Variants in RABGAP1L observed in about 807,000 individuals in gnomAD.
RABGAP1L encodes the protein rab GTPase-activating protein 1-like.
Under a neutral mutation model 137.7 loss-of-function variants are expected in RABGAP1L, and 63 were observed. That is an observed-to-expected ratio of 0.46 (90% CI 0.37 to 0.56). The LOEUF (loss-of-function observed/expected upper bound fraction) is 0.56. Ranked by LOEUF, RABGAP1L falls within the 20% of genes least tolerant of loss-of-function variation. The pLI is 0.00. For synonymous variants in RABGAP1L, 431 were observed against 433.7 expected (o/e 0.99, Z 0.08); for missense variants, 1,095 against 1,244.0 (o/e 0.88, Z 1.80).
At chr1:174,944,187 G>A (rs897495423) in intron 19 of RABGAP1L, among the ~76,000 whole-genome samples, 5 of 142,910 alleles carry the variant, frequency 3.5e-5, no homozygotes, top group Admixed American at 1.5e-4. Context: ...TGAGGCCGGA[G>A]AATCGCTTGA....
intron 1 of RABGAP1L, among the ~76,000 whole-genome samples, chr1:174,183,843 G>A (rs1666581896): frequency 1.3e-5 from 2 of 149,876 alleles, no homozygotes; most frequent in Non-Finnish European, 3.0e-5. Flanking sequence ...TTGAGTCACA[G>A]AATATACAGC....
At chr1:174,484,658 C>T (rs1392249446) in intron 13 of RABGAP1L, among the ~76,000 whole-genome samples, 1 of 152,088 alleles carries the variant, frequency 6.6e-6, no homozygotes, top group Non-Finnish European at 1.5e-5. Context: ...CTGTCCTTTC[C>T]CCAATGTATT....
chr1:174,221,322 C>T (rs1279893291), intron 3 of RABGAP1L, among the ~76,000 whole-genome samples, 158 bp downstream of exon 3: 1 of 152,166 alleles, frequency 6.6e-6, no homozygotes, highest in East Asian at 1.9e-4. Context: ...ATATCTCTGC[C>T]TATAAAAATC....
rs182934790 is a variant in RABGAP1L at position 174,709,264 on chromosome 1, A to G, written c.2169+7008A>G. 1.2e-3 allele frequency among the ~76,000 whole-genome samples: 190 copies of G among 152,306 alleles called. 2 individuals carry two copies. Among genetic ancestry groups the G allele is most frequent in the African/African-American group, 4.3e-3 (179 of 41,562 alleles). ...GGGCGCAGCTTCAGCAGACTTAAACATTCCAGCCTGCCAGCTCTGAAGAGA... is the reference window on the plus strand; with the variant it reads ...GGGCGCAGCTTCAGCAGACTTAAACGTTCCAGCCTGCCAGCTCTGAAGAGA... On this transcript the variant is annotated intron_variant, in intron 17 of 25. Transcript: ENST00000681986.
intron 13 of RABGAP1L, among the ~76,000 whole-genome samples, chr1:174,603,939 T>C (rs915891925): frequency 6.6e-6 from 1 of 151,106 alleles, no homozygotes; most frequent in African/African-American, 2.4e-5. Context: ...AAAGTCCTTT[T>C]TACTCTCCCC....
rs370216225 is a variant in RABGAP1L at position 174,709,730 on chromosome 1, G to A, written c.2169+7474G>A. ...TCCATGAAGATGAGGAAAAGCCAGC[G>A]CAAAAAGGCTGAAAATTCCAAAAAC... On this transcript the variant is annotated intron_variant, in intron 17 of 25. Coordinates refer to ENST00000681986, the MANE Select transcript of RABGAP1L (RefSeq NM_001366446.1). Among the ~76,000 whole-genome samples, 104 of 152,306 alleles carry A rather than the reference G, an allele frequency of 6.8e-4. 1 individual carries two copies. The South Asian group carries it at 0.019, about 28-fold the overall frequency.
At chr1:174,376,106 AGG>A (rs1685517020) in intron 12 of RABGAP1L, among the ~76,000 whole-genome samples, 1 of 151,406 alleles carries the variant, frequency 6.6e-6, no homozygotes, top group South Asian at 2.1e-4. Flanking sequence ...AAAGGAAAGA[AGG>A]AAGGAGAGAA....
At chr1:174,799,404 G>A (rs1233329884) in intron 18 of RABGAP1L, among the ~76,000 whole-genome samples, 2 of 152,100 alleles carry the variant, frequency 1.3e-5, no homozygotes, top group African/African-American at 4.8e-5. Flanking sequence ...ATCTAATAAG[G>A]ATTGGAACAT....
At chr1:174,643,984 C>G (rs1674746486) in intron 14 of RABGAP1L, among the ~76,000 whole-genome samples, 1 of 151,364 alleles carries the variant, frequency 6.6e-6, no homozygotes, top group Admixed American at 6.6e-5. Context: ...TAATTTCATA[C>G]TTACCCTTTA....
chr1:174,196,834 A>G (rs779109910), intron 1 of RABGAP1L, among the ~76,000 whole-genome samples: 4 of 152,114 alleles, frequency 2.6e-5, no homozygotes, highest in Admixed American at 6.5e-5. Context: ...TAGTATCCAT[A>G]ATTTGAATTA....
intron 19 of RABGAP1L, among the ~76,000 whole-genome samples, chr1:174,942,783 CCTT>C (rs988889810): frequency 2.0e-5 from 3 of 152,262 alleles, no homozygotes; most frequent in Admixed American, 2.0e-4. Context: ...AGTGTGCAGT[CCTT>C]CTGTCTGTGT....
chr1:174,804,274 G>GTTTTTTTTTT (rs1553254972), intron 18 of RABGAP1L, among the ~76,000 whole-genome samples: 1 of 138,154 alleles, frequency 7.2e-6, no homozygotes, highest in Non-Finnish European at 1.5e-5. Flanking sequence ...GTTTTGTTTT[G>GTTTTTTTTTT]TTTTTTGTTT....
chr1:174,614,389 ACT>A (rs1671584172), intron 13 of RABGAP1L, among the ~76,000 whole-genome samples: 1 of 151,840 alleles, frequency 6.6e-6, no homozygotes, highest in Non-Finnish European at 1.5e-5. Flanking sequence ...ATTGGCCCCC[ACT>A]CTCTTCTGGC....
rs562740931 is a variant in RABGAP1L, at chr1:174,288,928, T to G, written c.1323+10149T>G. Among the ~76,000 whole-genome samples, 12 of 152,310 alleles carry G rather than the reference T, an allele frequency of 7.9e-5. No individual in the cohort carries two copies. In the East Asian group the frequency reaches 2.3e-3, roughly 29 times the overall value. On this transcript the variant is annotated intron_variant, in intron 10 of 25. Coordinates refer to ENST00000681986, the MANE Select transcript of RABGAP1L (RefSeq NM_001366446.1). ...TTTTGCTTCTCTAACTGGATAATTT[T>G]AAGTGACTCATCTTTGAGTTCACTG...
intron 17 of RABGAP1L, among the ~76,000 whole-genome samples, chr1:174,713,092 C>A (rs1680706958): frequency 6.6e-6 from 1 of 152,208 alleles, no homozygotes; most frequent in African/African-American, 2.4e-5. Flanking sequence ...CTGCTCCCAG[C>A]ACTTCCTTGC....
intron 7 of RABGAP1L, among the ~76,000 whole-genome samples, chr1:174,259,187 A>G (rs1180518996): frequency 6.6e-6 from 1 of 152,164 alleles, no homozygotes; most frequent in African/African-American, 2.4e-5. Context: ...TATTTTGCAA[A>G]TTATACTGCA....
At chr1:174,924,407 G>T (rs75924485) in intron 19 of RABGAP1L, among the ~76,000 whole-genome samples, 1 of 79,314 alleles carries the variant, frequency 1.3e-5, no homozygotes, top group Non-Finnish European at 2.5e-5. Context: ...AAAAAAAAAA[G>T]AGAGAGATAC....
At chr1:174,907,322 A>AT (rs947940281) in intron 19 of RABGAP1L, among the ~76,000 whole-genome samples, 5 of 151,116 alleles carry the variant, frequency 3.3e-5, no homozygotes, top group African/African-American at 4.9e-5. Context: ...TGTCTTTTTA[A>AT]TTTTTTTTTA....
chr1:174,912,354 G>A (rs961152116), intron 19 of RABGAP1L, among the ~76,000 whole-genome samples: 1 of 152,108 alleles, frequency 6.6e-6, no homozygotes, highest in Non-Finnish European at 1.5e-5. Context: ...TGTTGCTCAG[G>A]CTGTTCTTGA....
Sources: gnomAD v4.1 joint callset for allele counts (sites outside exome capture counted in the v4.1 genomes callset) on GRCh38, gnomAD v4.1.1 for gene constraint, MANE v1.5 for transcripts, NCBI Gene and HGNC (gene_info 2026-07-23, HGNC 2026-07-21) for gene names.